Variants in MACROD2 observed in about 807,000 individuals in gnomAD.
MACROD2 encodes the protein ADP-ribose glycohydrolase MACROD2.
MACROD2 carries 36 observed loss-of-function variants against 70.4 expected under a neutral mutation model. That is an observed-to-expected ratio of 0.51 (90% confidence interval 0.39 to 0.68). The LOEUF is 0.68. MACROD2 is among the 30% of genes least tolerant of loss of function. The probability of loss-of-function intolerance (pLI) is 0.00; values close to 1 mark genes in which losing one functional copy is unlikely to be tolerated. For missense variants in MACROD2, 496 were observed against 538.4 expected (o/e 0.92, Z 0.78); for synonymous variants, 172 against 178.8 (o/e 0.96, Z 0.30).
At chr20:14,179,154 ACTG>A (rs2081287589) in intron 3 of MACROD2, among the ~76,000 whole-genome samples, 2 of 152,202 alleles carry the variant, frequency 1.3e-5, no homozygotes, top group Admixed American at 1.3e-4. Flanking sequence ...ATGTAGCCTG[ACTG>A]TAGAAGAGGG....
intron 5 of MACROD2, among the ~76,000 whole-genome samples, chr20:14,889,092 A>T (rs966551925): frequency 6.6e-6 from 1 of 152,176 alleles, no homozygotes; most frequent in South Asian, 2.1e-4. Context: ...ATACAGCAGT[A>T]TGAATAGAAA....
chr20:14,612,640 C>G (rs1983237907), intron 4 of MACROD2, among the ~76,000 whole-genome samples: 1 of 152,056 alleles, frequency 6.6e-6, no homozygotes. Context: ...TCCCCTATAA[C>G]ATTGTGTTAG....
intron 4 of MACROD2, among the ~76,000 whole-genome samples, chr20:14,528,834 T>C (rs546767555): frequency 3.9e-5 from 6 of 152,296 alleles, no homozygotes; most frequent in Admixed American, 3.9e-4. Context: ...AGGCTCTTGG[T>C]ACATCCTGTA....
chr20:14,460,311 A>G (rs2084353578), intron 3 of MACROD2, among the ~76,000 whole-genome samples: 1 of 152,166 alleles, frequency 6.6e-6, no homozygotes, highest in South Asian at 2.1e-4. Context: ...ACTGTCTTCC[A>G]CAATGGTTGA....
chr20:15,095,055 TCTC>T (rs144884976), intron 5 of MACROD2, among the ~76,000 whole-genome samples: 47,719 of 139,666 alleles, frequency 0.34, 8,922 homozygotes, highest in African/African-American at 0.45. Flanking sequence ...TTCACTGTGG[TCTC>T]CTCTTCTTTT....
chr20:14,297,683 A>T (rs1192627491), intron 3 of MACROD2, among the ~76,000 whole-genome samples: 1 of 152,004 alleles, frequency 6.6e-6, no homozygotes, highest in Non-Finnish European at 1.5e-5. Flanking sequence ...TCCATAACAT[A>T]AAAGCACAAG....
chr20:15,869,987 A>T (rs1337384558), intron 9 of MACROD2, among the ~76,000 whole-genome samples: 1 of 152,132 alleles, frequency 6.6e-6, no homozygotes, highest in East Asian at 1.9e-4. Flanking sequence ...GATAAAGAAA[A>T]TTCTAAATTC....
intron 3 of MACROD2, among the ~76,000 whole-genome samples, chr20:14,380,079 A>G (rs902769938): frequency 1.6e-4 from 25 of 152,248 alleles, no homozygotes; most frequent in African/African-American, 5.8e-4. Context: ...CCAGCAATGT[A>G]TGAGGGTTCA....
chr20:15,559,226 CAAAAAAAA>C (rs148608040), intron 8 of MACROD2, among the ~76,000 whole-genome samples: 2 of 43,244 alleles, frequency 4.6e-5, no homozygotes, highest in East Asian at 5.7e-4. Flanking sequence ...AACTCCGTCT[CAAAAAAAA>C]AAAAAAAAAA....
chr20:14,825,758 G>A (rs1412643441), intron 5 of MACROD2, among the ~76,000 whole-genome samples: 1 of 152,034 alleles, frequency 6.6e-6, no homozygotes, highest in Non-Finnish European at 1.5e-5. Context: ...TTTATTCATG[G>A]CCTTCACATT....
At chr20:15,149,460 G>A (rs535204821) in intron 5 of MACROD2, among the ~76,000 whole-genome samples, 1 of 143,296 alleles carries the variant, frequency 7.0e-6, no homozygotes, top group Non-Finnish European at 1.5e-5. Flanking sequence ...AGTCATAGGG[G>A]TCAGGTGTGG....
In MACROD2 at chr20:15,857,355, G is replaced by A. The variant is rs1479277704; in HGVS notation, c.646-5390G>A. ...GAACAAAGACAAATGAAAGTCACAA[G>A]GGAAAACTGGAATCCACAGAGATCC... On this transcript the variant is annotated intron_variant, in intron 8 of 17. Coordinates refer to ENST00000684519, the MANE Select transcript of MACROD2 (RefSeq NM_001351661.2). 4.6e-5 allele frequency among the ~76,000 whole-genome samples: 7 copies of A among 152,184 alleles called. No individual in the cohort carries two copies. In the East Asian group the frequency reaches 1.3e-3, roughly 29 times the overall value.
rs2054201153 is a variant in MACROD2, at chr20:14,094,901, A to T, written c.271+9173A>T. ...TGACCTGCAATTTTTTCTGTCCCCC[A>T]CCGTTTTTCTCATTTCTCCCTCCCA... On this transcript the variant is annotated intron_variant, in intron 3 of 17. Coordinates refer to ENST00000684519, the MANE Select transcript of MACROD2 (RefSeq NM_001351661.2). 2.6e-5 allele frequency among the ~76,000 whole-genome samples: 4 copies of T among 151,504 alleles called. No homozygotes were observed. In the South Asian group the frequency reaches 8.4e-4, roughly 32 times the overall value.
intron 8 of MACROD2, among the ~76,000 whole-genome samples, chr20:15,631,646 G>A (rs1343843990): frequency 1.3e-5 from 2 of 152,154 alleles, no homozygotes; most frequent in Admixed American, 1.3e-4. Flanking sequence ...GAGGGACAGG[G>A]CTTGGGCAGG....
chr20:15,136,962 T>A (rs999753737), intron 5 of MACROD2, among the ~76,000 whole-genome samples: 21 of 147,296 alleles, frequency 1.4e-4, no homozygotes, highest in Non-Finnish European at 2.5e-4. Context: ...GAAAAAATGC[T>A]CATCATCACT....
intron 10 of MACROD2, among the ~76,000 whole-genome samples, chr20:15,908,146 C>A (rs6043611): frequency 0.04 from 6,051 of 151,926 alleles, 280 homozygotes; most frequent in East Asian, 0.12. Context: ...TTCCTTTTTG[C>A]CCTGCCAAGA....
rs543190342 is a variant in MACROD2, at chr20:15,123,280, G to A, written c.419-106660G>A. On this transcript the variant is annotated intron_variant, in intron 5 of 17. Coordinates refer to ENST00000684519, the MANE Select transcript of MACROD2 (RefSeq NM_001351661.2). ...TGCCTTAGGAAGAAGGAAACACTAA[G>A]GGTAGCAAAGAGACCAGAAGGAAGA... 7.0e-4 allele frequency among the ~76,000 whole-genome samples: 107 copies of A among 152,188 alleles called. 1 individual carries two copies. The highest frequency in any genetic ancestry group is 8.8e-5 in the Non-Finnish European group (6 of 68,016).
At chr20:15,633,277 A>G (rs80127009) in intron 8 of MACROD2, among the ~76,000 whole-genome samples, 8,273 of 152,304 alleles carry the variant, frequency 0.054, 347 homozygotes, top group African/African-American at 0.11. Context: ...CAACAGCAAG[A>G]GTCACTATTT....
intron 5 of MACROD2, among the ~76,000 whole-genome samples, chr20:14,879,987 C>T (rs1481264168): frequency 6.6e-6 from 1 of 152,120 alleles, no homozygotes; most frequent in East Asian, 1.9e-4. Context: ...CAACCCCTGG[C>T]TCTTTTTAGC....
Sources: allele counts gnomAD v4.1 joint callset (sites outside exome capture counted in the v4.1 genomes callset), GRCh38; gene constraint gnomAD v4.1.1; transcripts MANE v1.5; gene names NCBI Gene and HGNC (gene_info 2026-07-23, HGNC 2026-07-21).